SEPTIN9: variants seen among roughly 807,000 people sequenced by gnomAD.
SEPTIN9 encodes septin-9.
A neutral mutation model predicts 56.6 loss-of-function variants in SEPTIN9; 13 were observed. The ratio of observed to expected loss-of-function variants is 0.23; its 90% CI spans 0.15 to 0.37. The LOEUF is 0.37. Ranked by LOEUF, SEPTIN9 falls within the 10% of genes least tolerant of loss-of-function variation. SEPTIN9 has a pLI of 1.00. For synonymous variants in SEPTIN9, 332 were observed against 334.1 expected (o/e 0.99, Z 0.07); for missense variants, 650 against 823.1 (o/e 0.79, Z 2.57).
chr17:77,414,466 A>G (rs977682065), intron 3 of SEPTIN9, among the ~76,000 whole-genome samples: 2 of 152,204 alleles, frequency 1.3e-5, no homozygotes, highest in Non-Finnish European at 2.9e-5. Context: ...TAGAAAATTG[A>G]AAATTTGAGA....
chr17:77,314,605 G>A (rs2032629556), intron 2 of SEPTIN9, among the ~76,000 whole-genome samples: 2 of 152,154 alleles, frequency 1.3e-5, no homozygotes, highest in Admixed American at 1.3e-4. Context: ...GCAAATCCGA[G>A]CCCAGAGCAT....
intron 2 of SEPTIN9, among the ~76,000 whole-genome samples, chr17:77,343,166 G>A (rs2033791475): frequency 6.6e-6 from 1 of 152,200 alleles, no homozygotes; most frequent in Non-Finnish European, 1.5e-5. Flanking sequence ...GACAGCCTGG[G>A]GATAAGGGCT....
intron 3 of SEPTIN9, among the ~76,000 whole-genome samples, chr17:77,420,249 G>A (rs1166571246): frequency 2.0e-5 from 3 of 152,218 alleles, no homozygotes; most frequent in Non-Finnish European, 4.4e-5. Flanking sequence ...TTCAGGAAGA[G>A]AGAAGCGGGC....
chr17:77,481,922 T>TGGGGAGGCAGCGTGGCTGC (rs1332246856), intron 3 of SEPTIN9: 1 of 587,512 alleles, frequency 1.7e-6, no homozygotes, highest in Non-Finnish European at 3.0e-6. Context: ...GGAGCTTTGC[T>TGGGGAGGCAGCGTGGCTGC]GGGGAGGCAG....
rs76944743 is a variant in SEPTIN9, at chr17:77,354,548, C to T, written c.76+47351C>T. Among the ~76,000 whole-genome samples the T allele has an allele frequency of 0.013, 1,929 of 152,282 alleles. 113 individuals are homozygous for T. In the East Asian group the frequency reaches 0.19, roughly 15 times the overall value. On this transcript the variant is annotated intron_variant, in intron 2 of 11. Transcript: ENST00000427177. ...CAGCTGGGGGAGGGCTGAACGACCC[C>T]TCACTCTTGGAGGCTGCCGGAGCCC...
At chr17:77,484,655 G>A (rs1244136430) in intron 4 of SEPTIN9, among the ~76,000 whole-genome samples, 5 of 146,810 alleles carry the variant, frequency 3.4e-5, no homozygotes, top group Middle Eastern at 3.5e-3. Context: ...GGGGGTGGTG[G>A]TGGTGATTGT....
intron 2 of SEPTIN9, among the ~76,000 whole-genome samples, chr17:77,388,146 G>T (rs987147747): frequency 2.6e-5 from 4 of 152,116 alleles, no homozygotes; most frequent in South Asian, 2.1e-4. Flanking sequence ...CGCCCTGCCC[G>T]CTAGGTTTCC....
rs896235275 is a variant in SEPTIN9, at chr17:77,317,637, A to G, written c.76+10440A>G. ...CTGATTCTACATTATGGTGAGTTGTATAATTATCTCATTATATATTATAAT... is the reference window on the plus strand; with the variant it reads ...CTGATTCTACATTATGGTGAGTTGTGTAATTATCTCATTATATATTATAAT... On this transcript the variant is annotated intron_variant, in intron 2 of 11. Coordinates refer to ENST00000427177, the MANE Select transcript of SEPTIN9 (RefSeq NM_001113491.2). This position sits in a 1 kb window ranked among gnomAD's most constrained non-coding sequence, Gnocchi z 4.2. Among the ~76,000 whole-genome samples the G allele has an allele frequency of 1.3e-5, 2 of 152,328 alleles. No homozygotes were observed. Among genetic ancestry groups the G allele is most frequent in the Non-Finnish European group, 2.9e-5 (2 of 68,036 alleles).
intron 2 of SEPTIN9, among the ~76,000 whole-genome samples, chr17:77,391,339 G>A (rs901391172): frequency 4.6e-5 from 7 of 152,034 alleles, no homozygotes; most frequent in Non-Finnish European, 1.0e-4. Flanking sequence ...CAACCTGGGG[G>A]CTTACAAACA....
chr17:77,291,958 T>G (rs1242357047), intron 1 of SEPTIN9, among the ~76,000 whole-genome samples: 2 of 152,208 alleles, frequency 1.3e-5, no homozygotes, highest in Admixed American at 6.5e-5. Flanking sequence ...CCGTTTGCCC[T>G]CAGTCTGCTG....
At chr17:77,328,667 G>A (rs987788653) in intron 2 of SEPTIN9, among the ~76,000 whole-genome samples, 3 of 152,134 alleles carry the variant, frequency 2.0e-5, no homozygotes, top group Non-Finnish European at 4.4e-5. Flanking sequence ...TGCCTGGCCC[G>A]TCTGGTGAAT....
Position 77,492,488 on chromosome 17 carries a change from TCA to T in SEPTIN9, c.1381-130_1381-129del. 1.3e-6 allele frequency: 1 copy of T among 795,060 alleles called. No individual in the cohort carries two copies. Among genetic ancestry groups the T allele is most frequent in the Non-Finnish European group, 2.2e-6 (1 of 447,136 alleles). The allele number at this position is 795,060 out of a possible 1,614,324, so 49.3% of individuals were successfully genotyped here. A position where few individuals can be genotyped will look rare whatever the true frequency, so the allele number is the denominator to read the frequency against. On this transcript the variant is annotated intron_variant, in intron 8 of 11. Coordinates refer to ENST00000427177, the MANE Select transcript of SEPTIN9 (RefSeq NM_001113491.2). This position sits in a 1 kb window ranked among gnomAD's most constrained non-coding sequence, Gnocchi z 5.4. ...GCACAGGAGTTGGAGGTGATTGGTG[TCA>T]CAGCCCCCCAGAGCCTGCCCTTGAA...
At chr17:77,309,029 C>T (rs1281132695) in intron 2 of SEPTIN9, among the ~76,000 whole-genome samples, 1 of 152,270 alleles carries the variant, frequency 6.6e-6, no homozygotes, top group Non-Finnish European at 1.5e-5. Context: ...GACAGCCCAG[C>T]CGCTGCTGTG....
intron 2 of SEPTIN9, among the ~76,000 whole-genome samples, chr17:77,332,342 A>G (rs2033398427): frequency 6.6e-6 from 1 of 151,788 alleles, no homozygotes; most frequent in African/African-American, 2.4e-5. Flanking sequence ...ACACCCATGC[A>G]CCTACCACCT....
At chr17:77,352,402 G>A (rs957408742) in intron 2 of SEPTIN9, among the ~76,000 whole-genome samples, 36 of 105,644 alleles carry the variant, frequency 3.4e-4, no homozygotes, top group Admixed American at 8.9e-4. Context: ...GCAAGACTCC[G>A]TCTCAAAAAC....
rs1417668657 is a variant in SEPTIN9, at chr17:77,499,060, C to T, written c.*402C>T. 15 of 536,522 alleles carry T rather than the reference C, an allele frequency of 2.8e-5. No homozygotes were observed. Among genetic ancestry groups the T allele is most frequent in the African/African-American group, 5.6e-5 (3 of 53,880 alleles). The allele number at this position is 536,522 out of a possible 1,614,324, so 33.2% of individuals were successfully genotyped here. Reference sequence around the variant, plus strand: ...TTGCAGAGGAGCCCAGTGGGCTGCACGCTCCCCTCCATCCCCATCGGCCCT... The same window carrying T: ...TTGCAGAGGAGCCCAGTGGGCTGCATGCTCCCCTCCATCCCCATCGGCCCT... On this transcript the variant is annotated 3_prime_UTR_variant, in exon 12 of 12. Coordinates refer to ENST00000427177, the MANE Select transcript of SEPTIN9 (RefSeq NM_001113491.2).
intron 3 of SEPTIN9, chr17:77,466,342 T>G (rs1371645790): frequency 1.0e-6 from 1 of 966,612 alleles, no homozygotes; most frequent in Non-Finnish European, 1.2e-6. Context: ...CCAGGCCCCT[T>G]CCCCCTCCCA....
intron 1 of SEPTIN9, among the ~76,000 whole-genome samples, chr17:77,306,623 C>T (rs1204397025): frequency 1.3e-5 from 2 of 152,216 alleles, no homozygotes; most frequent in Non-Finnish European, 2.9e-5. Context: ...AAATCCAGCC[C>T]GGCTGCACCC....
chr17:77,383,491 C>T (rs138373253), intron 2 of SEPTIN9, among the ~76,000 whole-genome samples: 1,893 of 152,270 alleles, frequency 0.012, 12 homozygotes, highest in Middle Eastern at 0.024. Context: ...ACTGTGGAGA[C>T]CTGTTCCCTG....
Sources: gnomAD v4.1 joint callset for allele counts (sites outside exome capture counted in the v4.1 genomes callset) on GRCh38, gnomAD v4.1.1 for gene constraint, Gnocchi (gnomAD v3.1) non-coding constraint, MANE v1.5 for transcripts, NCBI Gene and HGNC (gene_info 2026-07-23, HGNC 2026-07-21) for gene names.